Variants in SAMD5 observed in about 807,000 individuals in gnomAD.
The protein encoded by SAMD5 is sterile alpha motif domain containing 5, also known as sterile alpha motif domain-containing protein 5.
SAMD5 carries 13 observed loss-of-function variants against 11.3 expected under a neutral mutation model. The observed-to-expected ratio is 1.15, with a 90% CI of 0.75 to 1.83. The LOEUF is 1.83. Ranked by LOEUF, SAMD5 falls within the 40% of genes most tolerant of loss-of-function variation. The probability of loss-of-function intolerance (pLI) is 0.00; values close to 1 mark genes in which losing one functional copy is unlikely to be tolerated. For synonymous variants in SAMD5, 129 were observed against 111.3 expected (o/e 1.16, Z -1.00); for missense variants, 255 against 239.1 (o/e 1.07, Z -0.44).
chr6:147,716,568 G>T (rs746838976), intron 1 of SAMD5, among the ~76,000 whole-genome samples: 1 of 152,196 alleles, frequency 6.6e-6, no homozygotes, highest in Non-Finnish European at 1.5e-5. Flanking sequence ...CTGCACCCAG[G>T]GAATGTGAAG....
the SAMD5 span, among the ~76,000 whole-genome samples, chr6:147,854,922 G>A: frequency 6.6e-6 from 1 of 152,092 alleles, no homozygotes; most frequent in Non-Finnish European, 1.5e-5. Context: ...GTGTACTACT[G>A]GGTTGGAGGA....
chr6:147,696,620 C>G (rs1455979178), intron 1 of SAMD5, among the ~76,000 whole-genome samples: 1 of 152,116 alleles, frequency 6.6e-6, no homozygotes, highest in Non-Finnish European at 1.5e-5. Flanking sequence ...CTTCAAAGCC[C>G]TAATACAAAA....
At chr6:147,936,453 G>T in the SAMD5 span, among the ~76,000 whole-genome samples, 1 of 151,718 alleles carries the variant, frequency 6.6e-6, no homozygotes, top group Non-Finnish European at 1.5e-5. Flanking sequence ...CAGTGGTGGG[G>T]GAGGGGGAGG....
rs370376732 is a variant in SAMD5, at chr6:147,721,538, A to C, written c.163-15779A>C. On this transcript the variant is annotated intron_variant, in intron 1 of 1. Transcript: ENST00000566741. Reference sequence around the variant, plus strand: ...GTTCATATCCTTTGCCCACTTTTTGATGGGGTTGTTTGTTTTTTTCTTGTA... The same window carrying C: ...GTTCATATCCTTTGCCCACTTTTTGCTGGGGTTGTTTGTTTTTTTCTTGTA... 4.9e-4 allele frequency among the ~76,000 whole-genome samples: 74 copies of C among 151,972 alleles called. No homozygotes were observed. In the East Asian group the frequency reaches 8.0e-3, roughly 16 times the overall value.
chr6:147,679,871 C>G (rs1009349380), intron 1 of SAMD5, among the ~76,000 whole-genome samples: 2 of 151,200 alleles, frequency 1.3e-5, no homozygotes, highest in Admixed American at 1.3e-4. Context: ...ATATATTTTC[C>G]CCCCTGAATT....
chr6:147,880,629 C>T, the SAMD5 span, among the ~76,000 whole-genome samples: 712 of 152,250 alleles, frequency 4.7e-3, 9 homozygotes, highest in African/African-American at 0.016. Flanking sequence ...CTCGGAACCC[C>T]TCAGACAATC....
intron 1 of SAMD5, among the ~76,000 whole-genome samples, chr6:147,600,724 G>A (rs996732896): frequency 2.6e-5 from 4 of 152,194 alleles, no homozygotes; most frequent in Non-Finnish European, 5.9e-5. Context: ...GTCAAGACTT[G>A]ATCACAGGGT....
intron 1 of SAMD5, among the ~76,000 whole-genome samples, chr6:147,696,927 A>C (rs1791184068): frequency 6.6e-6 from 1 of 152,202 alleles, no homozygotes; most frequent in Non-Finnish European, 1.5e-5. Flanking sequence ...AAGTCTCTTA[A>C]AGCAAATAGC....
intron 1 of SAMD5, among the ~76,000 whole-genome samples, chr6:147,674,066 A>G (rs892047052): frequency 6.6e-6 from 1 of 152,242 alleles, no homozygotes; most frequent in South Asian, 2.1e-4. Flanking sequence ...GTAAATGTAA[A>G]TTGAAAACTG....
chr6:147,553,111 T>C (rs890668080), intron 1 of SAMD5, among the ~76,000 whole-genome samples: 2 of 152,254 alleles, frequency 1.3e-5, no homozygotes, highest in Non-Finnish European at 2.9e-5. Flanking sequence ...CTGTGCCAGA[T>C]ACTGTTCTAA....
At chr6:147,781,085 A>G in the SAMD5 span, among the ~76,000 whole-genome samples, 1 of 151,732 alleles carries the variant, frequency 6.6e-6, no homozygotes, top group Non-Finnish European at 1.5e-5. Flanking sequence ...AATTGTCCTA[A>G]TTTTAGGCAA....
intron 1 of SAMD5, among the ~76,000 whole-genome samples, chr6:147,632,130 GC>G (rs1202236117): frequency 3.3e-5 from 5 of 152,158 alleles, no homozygotes; most frequent in Admixed American, 2.0e-4. Flanking sequence ...AATGCTACCT[GC>G]TTTTTTAGCT....
chr6:147,919,741 C>G, the SAMD5 span, among the ~76,000 whole-genome samples: 2 of 152,152 alleles, frequency 1.3e-5, no homozygotes, highest in Admixed American at 1.3e-4. Flanking sequence ...TGTTTCTTTT[C>G]TCTTCTTCCT....
At chr6:147,857,582 C>T in the SAMD5 span, among the ~76,000 whole-genome samples, 2 of 150,922 alleles carry the variant, frequency 1.3e-5, no homozygotes, top group African/African-American at 5.0e-5. Context: ...ATTTCTTGGG[C>T]CCCATTTCTG....
intron 1 of SAMD5, among the ~76,000 whole-genome samples, chr6:147,693,872 G>A (rs1227227725): frequency 6.6e-6 from 1 of 152,162 alleles, no homozygotes; most frequent in Non-Finnish European, 1.5e-5. Flanking sequence ...GGGAGGCTGA[G>A]GCAGGAGAAT....
chr6:147,792,511 A>G, the SAMD5 span, among the ~76,000 whole-genome samples: 1 of 152,232 alleles, frequency 6.6e-6, no homozygotes, highest in Admixed American at 6.5e-5. Flanking sequence ...ATATGTGTGC[A>G]TATACAGATT....
At chr6:147,713,193 A>G (rs1042961110) in intron 1 of SAMD5, among the ~76,000 whole-genome samples, 13 of 152,230 alleles carry the variant, frequency 8.5e-5, no homozygotes, top group Non-Finnish European at 1.6e-4. Context: ...AGAACTCACA[A>G]GCTTTCCTGA....
At chr6:147,752,745 C>G in the SAMD5 span, among the ~76,000 whole-genome samples, 1 of 152,102 alleles carries the variant, frequency 6.6e-6, no homozygotes. Context: ...TCATGGCACA[C>G]TTATGGAATC....
the SAMD5 span, among the ~76,000 whole-genome samples, chr6:147,866,483 A>G: frequency 6.6e-6 from 1 of 152,196 alleles, no homozygotes; most frequent in Non-Finnish European, 1.5e-5. Context: ...GAAAGATCCT[A>G]TTATATAATG....
Sources: gnomAD v4.1 joint callset for allele counts (sites outside exome capture counted in the v4.1 genomes callset) on GRCh38, gnomAD v4.1.1 for gene constraint, MANE v1.5 for transcripts, NCBI Gene and HGNC (gene_info 2026-07-23, HGNC 2026-07-21) for gene names.